The following MAPRE3 variants were observed in gnomAD, a reference collection of about 807,000 sequenced individuals.
The protein encoded by MAPRE3 is microtubule associated protein RP/EB family member 3.
A neutral mutation model predicts 30.5 loss-of-function variants in MAPRE3; 2 were observed. The observed-to-expected ratio is 0.07, with a 90% CI of 0.03 to 0.21. The LOEUF is 0.21. MAPRE3 is among the 10% of genes least tolerant of loss of function. MAPRE3 has a pLI of 1.00. For missense variants in MAPRE3, 204 were observed against 351.8 expected (o/e 0.58, Z 3.36); for synonymous variants, 110 against 127.7 (o/e 0.86, Z 0.93).
chr2:27,005,901 G>C (rs942541698), intron 1 of MAPRE3, among the ~76,000 whole-genome samples: 1 of 152,178 alleles, frequency 6.6e-6, no homozygotes, highest in Admixed American at 6.5e-5. Flanking sequence ...AGAGTGTGTC[G>C]GCCGGGCGCG....
intron 1 of MAPRE3, among the ~76,000 whole-genome samples, chr2:26,983,736 G>C (rs575207039): frequency 3.9e-5 from 6 of 152,140 alleles, no homozygotes; most frequent in Non-Finnish European, 1.5e-5. Flanking sequence ...TTGTTTTAAA[G>C]CTCCCAGAGC....
At chr2:26,984,739 C>T (rs1666186112) in intron 1 of MAPRE3, 1 of 152,256 alleles carries the variant, frequency 6.6e-6, no homozygotes, top group South Asian at 2.1e-4. Context: ...CATATTACTC[C>T]ATTTTCTTCC....
At chr2:26,977,358 C>T (rs1441199103) in intron 1 of MAPRE3, among the ~76,000 whole-genome samples, 1 of 152,152 alleles carries the variant, frequency 6.6e-6, no homozygotes, top group African/African-American at 2.4e-5. Context: ...TTACATGTAT[C>T]GGAAGGTTTT....
At chr2:26,971,422 G>A (rs1366168103) in intron 1 of MAPRE3, among the ~76,000 whole-genome samples, 2 of 152,178 alleles carry the variant, frequency 1.3e-5, no homozygotes, top group African/African-American at 4.8e-5. Flanking sequence ...CAGCCCCATC[G>A]TGATCATCTA....
intron 1 of MAPRE3, among the ~76,000 whole-genome samples, chr2:27,020,320 A>G (rs1667083412): frequency 6.6e-6 from 1 of 152,226 alleles, no homozygotes; most frequent in Non-Finnish European, 1.5e-5. Flanking sequence ...TATAAGGTGT[A>G]TAAGATGTAT....
intron 1 of MAPRE3, among the ~76,000 whole-genome samples, chr2:26,998,832 T>A (rs1666523146): frequency 6.6e-6 from 1 of 152,176 alleles, no homozygotes; most frequent in Admixed American, 6.5e-5. Flanking sequence ...TTGCACACAG[T>A]TTTGCAAACC....
intron 1 of MAPRE3, among the ~76,000 whole-genome samples, chr2:26,992,140 TAGCAATA>T (rs1666356429): frequency 6.6e-6 from 1 of 152,212 alleles, no homozygotes; most frequent in Non-Finnish European, 1.5e-5. Context: ...CTAAGTGCTA[TAGCAATA>T]CCTTTTGACA....
At chr2:27,025,074 T>C (rs1182313506) in intron 4 of MAPRE3, among the ~76,000 whole-genome samples, 1 of 152,154 alleles carries the variant, frequency 6.6e-6, no homozygotes, top group African/African-American at 2.4e-5. Context: ...GTCCCTGATT[T>C]GGCCACCACT....
chr2:26,975,626 A>G (rs1001716704), intron 1 of MAPRE3, among the ~76,000 whole-genome samples: 29 of 152,224 alleles, frequency 1.9e-4, no homozygotes, highest in African/African-American at 6.0e-4. Flanking sequence ...AGGGAAAAGG[A>G]GACTCAAAGG....
At chr2:26,993,720 T>G (rs1666397829) in intron 1 of MAPRE3, among the ~76,000 whole-genome samples, 1 of 152,326 alleles carries the variant, frequency 6.6e-6, no homozygotes, top group Non-Finnish European at 1.5e-5. Flanking sequence ...GAAGACCAGC[T>G]GAGGAGTCAT....
At chr2:26,997,828 T>A (rs1018538287) in intron 1 of MAPRE3, among the ~76,000 whole-genome samples, 1 of 152,190 alleles carries the variant, frequency 6.6e-6, no homozygotes, top group African/African-American at 2.4e-5. Context: ...TGCTGAAGGC[T>A]AGAGAGGTCA....
intron 1 of MAPRE3, chr2:26,984,807 C>T (rs1666187464): frequency 6.6e-6 from 1 of 152,238 alleles, no homozygotes; most frequent in Non-Finnish European, 1.5e-5. Context: ...TTACAGTAGT[C>T]ATATCAAGTT....
chr2:26,973,162 A>G (rs1323374499), intron 1 of MAPRE3, among the ~76,000 whole-genome samples: 1 of 152,254 alleles, frequency 6.6e-6, no homozygotes, highest in Non-Finnish European at 1.5e-5. Flanking sequence ...TTTTAGAAAC[A>G]TTAAAACCCT....
At chr2:27,004,897 C>T (rs534371676) in intron 1 of MAPRE3, among the ~76,000 whole-genome samples, 9 of 151,562 alleles carry the variant, frequency 5.9e-5, no homozygotes, top group Non-Finnish European at 1.0e-4. Flanking sequence ...TTCTCAAACT[C>T]GACAGCCCAA....
intron 1 of MAPRE3, among the ~76,000 whole-genome samples, chr2:27,007,310 T>C (rs1051340287): frequency 1.3e-5 from 2 of 152,184 alleles, no homozygotes; most frequent in South Asian, 2.1e-4. Context: ...AGGAAGAAGT[T>C]TGGACTTGGT....
intron 1 of MAPRE3, among the ~76,000 whole-genome samples, chr2:26,984,400 ATAT>A (rs984047988): frequency 2.3e-4 from 35 of 152,192 alleles, no homozygotes; most frequent in Admixed American, 1.8e-3. Context: ...ACATACTAAC[ATAT>A]TATTTTTTTT....
intron 1 of MAPRE3, among the ~76,000 whole-genome samples, chr2:26,973,009 T>G (rs1290802421): frequency 1.3e-5 from 2 of 152,222 alleles, no homozygotes; most frequent in Non-Finnish European, 2.9e-5. Flanking sequence ...AAGTTAGACC[T>G]AAATCTATGT....
chr2:27,023,567 G>A lies in MAPRE3; in HGVS notation c.267+90G>A, dbSNP rs935060512. ...CAGCCCAGGCAACTGGGGCTGCTGGGGTCATTCCGGTGCTCGTGCCTCCCT... is the reference window on the plus strand; with the variant it reads ...CAGCCCAGGCAACTGGGGCTGCTGGAGTCATTCCGGTGCTCGTGCCTCCCT... On this transcript the variant is annotated intron_variant, in intron 3 of 6. Transcript: ENST00000233121. 4.6e-6 allele frequency: 7 copies of A among 1,519,676 alleles called. No individual in the cohort carries two copies. The East Asian group carries it at 6.8e-5, about 15-fold the overall frequency. 94.1% of individuals were successfully genotyped at this position (1,519,676 alleles called of 1,614,324 possible). A position where few individuals can be genotyped will look rare whatever the true frequency, so the allele number is the denominator to read the frequency against.
At chr2:26,974,157 A>C (rs932717959) in intron 1 of MAPRE3, among the ~76,000 whole-genome samples, 3 of 152,204 alleles carry the variant, frequency 2.0e-5, no homozygotes, top group Non-Finnish European at 4.4e-5. Flanking sequence ...CCAGATTTCC[A>C]GACTAGAGTT....
Sources: allele counts gnomAD v4.1 joint callset (sites outside exome capture counted in the v4.1 genomes callset), GRCh38; gene constraint gnomAD v4.1.1; transcripts MANE v1.5; gene names NCBI Gene and HGNC (gene_info 2026-07-23, HGNC 2026-07-21).